Variants in GPD2 observed in about 807,000 individuals in gnomAD.
GPD2 encodes glycerol-3-phosphate dehydrogenase 2.
A neutral mutation model predicts 82.4 loss-of-function variants in GPD2; 54 were observed. That is an observed-to-expected ratio of 0.66 (90% CI 0.53 to 0.82). The LOEUF is 0.82. GPD2 is among the 40% of genes least tolerant of loss of function. The probability of loss-of-function intolerance (pLI) is 0.00; values close to 1 mark genes in which losing one functional copy is unlikely to be tolerated. For synonymous variants in GPD2, 288 were observed against 306.1 expected (o/e 0.94, Z 0.62); for missense variants, 748 against 896.2 (o/e 0.83, Z 2.11).
intron 5 of GPD2, 101 bp from the exon 6 acceptor site, chr2:156,513,232 T>C: frequency 1.1e-6 from 1 of 887,234 alleles, no homozygotes. Flanking sequence ...CTTCTAGGTA[T>C]GCTTTGTTTT....
At position 156,584,454 on chromosome 2, in the gene GPD2, A is replaced by G. The variant is rs552261255; in HGVS notation, c.*1536A>G. On this transcript the variant is annotated 3_prime_UTR_variant, in exon 17 of 17. Transcript: ENST00000438166. ...GCAGAGTATCTTTATGCCTTATTCA[A>G]GTGGATTCTGAGCCTGTATGTCACA... 63 of 152,570 alleles carry G rather than the reference A, an allele frequency of 4.1e-4. No individual in the cohort carries two copies. The highest frequency in any genetic ancestry group is 1.4e-3 in the African/African-American group (58 of 41,546). 9.5% of individuals were successfully genotyped at this position (152,570 alleles called of 1,614,324 possible).
intron 1 of GPD2, among the ~76,000 whole-genome samples, chr2:156,460,735 TC>T (rs1454501608): frequency 6.6e-6 from 1 of 152,230 alleles, no homozygotes; most frequent in Non-Finnish European, 1.5e-5. Flanking sequence ...TAAGAGGCTC[TC>T]TTAGATGACA....
At chr2:156,404,224 T>G in the GPD2 span, among the ~76,000 whole-genome samples, 1 of 151,436 alleles carries the variant, frequency 6.6e-6, no homozygotes, top group Admixed American at 6.6e-5. Flanking sequence ...AAATTAAAAA[T>G]TAAAAAAAAA....
chr2:156,431,917 C>T (rs1291878094), upstream of GPD2, among the ~76,000 whole-genome samples: 4 of 129,806 alleles, frequency 3.1e-5, no homozygotes, highest in Admixed American at 2.8e-4. Context: ...GATAGAGTCT[C>T]GCCCTGTTGC....
At chr2:156,429,264 A>G in the GPD2 span, among the ~76,000 whole-genome samples, 70 of 152,296 alleles carry the variant, frequency 4.6e-4, no homozygotes, top group African/African-American at 1.6e-3. Flanking sequence ...TTTCACTAGG[A>G]TGATAACTAA....
intron 13 of GPD2, among the ~76,000 whole-genome samples, chr2:156,574,827 T>A (rs1473001671): frequency 6.6e-6 from 1 of 152,102 alleles, no homozygotes; most frequent in African/African-American, 2.4e-5. Flanking sequence ...GTTTAAAAGT[T>A]GAAGAAAAAA....
intron 3 of GPD2, among the ~76,000 whole-genome samples, chr2:156,496,418 T>C (rs1684382338): frequency 6.6e-6 from 1 of 152,084 alleles, no homozygotes; most frequent in African/African-American, 2.4e-5. Context: ...CAGTGTGTGT[T>C]GTTCCCCTCC....
At chr2:156,491,831 G>A (rs1483950724) in intron 2 of GPD2, among the ~76,000 whole-genome samples, 2 of 151,902 alleles carry the variant, frequency 1.3e-5, no homozygotes, top group East Asian at 1.9e-4. Flanking sequence ...GACCAGCCTG[G>A]CCAAGATAGT....
rs1254924434 is a variant in GPD2, at chr2:156,585,529, C to T, written c.*2611C>T. 2.0e-5 allele frequency: 3 copies of T among 152,378 alleles called. No individual in the cohort carries two copies. Among genetic ancestry groups the T allele is most frequent in the African/African-American group, 7.2e-5 (3 of 41,392 alleles). 9.4% of individuals were successfully genotyped at this position (152,378 alleles called of 1,614,324 possible). On this transcript the variant is annotated 3_prime_UTR_variant, in exon 17 of 17. Transcript: ENST00000438166. ...GGTTGTCTGCCTCATATCCATCATG[C>T]TGTTTGCAATATTCTTGCTTTCAAT...
intron 2 of GPD2, 106 bp from the exon 3 acceptor site, chr2:156,495,938 C>G: frequency 1.2e-6 from 1 of 818,918 alleles, no homozygotes; most frequent in Non-Finnish European, 2.1e-6. Flanking sequence ...CTCTCTTTAG[C>G]TCTTATATTC....
chr2:156,435,465 G>A (rs1174159120), upstream of GPD2: 1 of 152,106 alleles, frequency 6.6e-6, no homozygotes, highest in Non-Finnish European at 1.5e-5. Context: ...GTGGCGGGGG[G>A]TTGCAAGTGG....
chr2:156,484,127 C>T (rs1235671259), intron 2 of GPD2, among the ~76,000 whole-genome samples: 2 of 151,656 alleles, frequency 1.3e-5, no homozygotes, highest in Admixed American at 6.6e-5. Context: ...AGCAATCTTT[C>T]CACTCCCCTC....
At chr2:156,485,637 G>A (rs74907277) in intron 2 of GPD2, among the ~76,000 whole-genome samples, 3,029 of 152,248 alleles carry the variant, frequency 0.02, 60 homozygotes, top group African/African-American at 0.05. Context: ...CATAATGCAC[G>A]TTTATTTGTT....
chr2:156,534,829 A>C (rs547748060), intron 6 of GPD2, among the ~76,000 whole-genome samples: 4 of 152,320 alleles, frequency 2.6e-5, no homozygotes, highest in South Asian at 2.1e-4. Flanking sequence ...AAAAACTCTA[A>C]CAGAGGATAC....
chr2:156,436,596 C>T lies in GPD2; in HGVS notation c.-9+83C>T, dbSNP rs559881272. The T allele has an allele frequency of 6.7e-3, 1,021 of 152,460 alleles. 9 individuals are homozygous for T. The highest frequency in any genetic ancestry group is 8.6e-3 in the Non-Finnish European group (585 of 68,200). 9.4% of individuals were successfully genotyped at this position (152,460 alleles called of 1,614,324 possible). ...TCCCTTTCTGACCCGGGCGAGTGTT[C>T]TGGGACTCCAGTCTTGGCGGTAGGT... On this transcript the variant is annotated intron_variant, in intron 1 of 16. Transcript: ENST00000438166.
intron 2 of GPD2, chr2:156,495,559 T>C (rs1482798072): frequency 2.2e-6 from 1 of 453,600 alleles, no homozygotes; most frequent in East Asian, 7.2e-5. Context: ...CCCCAAACTC[T>C]AGAATATAGT....
At chr2:156,546,494 G>A (rs1686542451) in intron 6 of GPD2, among the ~76,000 whole-genome samples, 1 of 152,150 alleles carries the variant, frequency 6.6e-6, no homozygotes, top group Non-Finnish European at 1.5e-5. Context: ...GAGCATCTGG[G>A]TATCTCAGGG....
chr2:156,409,351 T>A, the GPD2 span, among the ~76,000 whole-genome samples: 1 of 152,206 alleles, frequency 6.6e-6, no homozygotes, highest in Non-Finnish European at 1.5e-5. Flanking sequence ...AACTTCATTC[T>A]TAATATTAGT....
chr2:156,465,836 T>C (rs1052093455), intron 1 of GPD2, among the ~76,000 whole-genome samples: 14 of 152,224 alleles, frequency 9.2e-5, no homozygotes, highest in African/African-American at 3.4e-4. Flanking sequence ...ACTAATGAAC[T>C]TCTTTTGAAT....
Sources: gnomAD v4.1 joint callset for allele counts (sites outside exome capture counted in the v4.1 genomes callset) on GRCh38, gnomAD v4.1.1 for gene constraint, MANE v1.5 for transcripts, NCBI Gene and HGNC (gene_info 2026-07-23, HGNC 2026-07-21) for gene names.